Variants in NGEF observed in about 807,000 individuals in gnomAD.
NGEF encodes the protein neuronal guanine nucleotide exchange factor.
NGEF carries 31 observed loss-of-function variants against 80.9 expected under a neutral mutation model. The ratio of observed to expected loss-of-function variants is 0.38; its 90% confidence interval spans 0.29 to 0.52. NGEF has a LOEUF of 0.52. NGEF is among the 20% of genes least tolerant of loss of function. NGEF has a pLI of 0.84. For missense variants in NGEF, 709 were observed against 926.2 expected (o/e 0.77, Z 3.04); for synonymous variants, 371 against 370.2 (o/e 1.00, Z -0.03).
chr2:232,899,939 CACTT>C (rs1168641660), intron 5 of NGEF, among the ~76,000 whole-genome samples: 2 of 146,378 alleles, frequency 1.4e-5, no homozygotes, highest in Admixed American at 6.8e-5. Context: ...CACTCACATT[CACTT>C]ACACACATGC....
At chr2:232,970,551 G>A (rs566390065) in intron 2 of NGEF, among the ~76,000 whole-genome samples, 79 of 152,200 alleles carry the variant, frequency 5.2e-4, no homozygotes, top group African/African-American at 1.8e-3. Flanking sequence ...ATTATGGGCC[G>A]AGTGCGGTGG....
At chr2:232,888,309 C>A (rs1041524137) in intron 8 of NGEF, among the ~76,000 whole-genome samples, 1 of 152,046 alleles carries the variant, frequency 6.6e-6, no homozygotes, top group Non-Finnish European at 1.5e-5. Context: ...TGCATACATG[C>A]TCGCACACAC....
intron 5 of NGEF, among the ~76,000 whole-genome samples, chr2:232,899,270 GCTC>G (rs10580077): frequency 0.31 from 46,980 of 151,734 alleles, 7,371 homozygotes; most frequent in Admixed American, 0.36. Flanking sequence ...CACTACAGAA[GCTC>G]CTCCTCAGGG....
intron 3 of NGEF, among the ~76,000 whole-genome samples, chr2:232,929,573 A>G (rs1373727343): frequency 6.6e-6 from 1 of 152,194 alleles, no homozygotes; most frequent in Non-Finnish European, 1.5e-5. Flanking sequence ...CATGCCCTTA[A>G]GGCCTGAGAA....
At chr2:232,910,467 T>TG (rs1372628342) in intron 5 of NGEF, among the ~76,000 whole-genome samples, 13 of 48,264 alleles carry the variant, frequency 2.7e-4, no homozygotes, top group African/African-American at 1.1e-3. Context: ...GGGGGGGTAA[T>TG]GGGGGTGGGG....
At chr2:232,896,986 T>G (rs1574998337) in intron 5 of NGEF, among the ~76,000 whole-genome samples, 1 of 82,986 alleles carries the variant, frequency 1.2e-5, no homozygotes, top group African/African-American at 5.1e-5. Context: ...GGGTTAAGGG[T>G]GAGGTAGGGG....
intron 1 of NGEF, among the ~76,000 whole-genome samples, chr2:232,982,160 G>A (rs1694444238): frequency 6.6e-6 from 1 of 152,160 alleles, no homozygotes; most frequent in Admixed American, 6.5e-5. Flanking sequence ...CATGCCTGGA[G>A]CACAAGGGCA....
rs1691908660 is a variant in NGEF at position 232,892,301 on chromosome 2, C to T, written c.1142+597G>A. On this transcript the variant is annotated intron_variant, in intron 7 of 14. Coordinates refer to ENST00000264051, the MANE Select transcript of NGEF (RefSeq NM_019850.3). The surrounding 1 kb of genome is among the most constrained non-coding windows in gnomAD (Gnocchi z 4.0). ...TGCAGACGCCACAACTGGAAAACTC[C>T]CTGGGTGCTTCTGTGCGGAGCCAAG... 1.3e-5 allele frequency among the ~76,000 whole-genome samples: 2 copies of T among 152,180 alleles called. 1 individual carries two copies. Among genetic ancestry groups the T allele is most frequent in the South Asian group, 4.1e-4 (2 of 4,830 alleles).
At position 232,895,374 on chromosome 2, in the gene NGEF, A is replaced by C. The variant is rs373786044; in HGVS notation, c.829-458T>G. On this transcript the variant is annotated intron_variant, in intron 5 of 14. Transcript: ENST00000264051. Reference sequence around the variant, plus strand: ...AAACCCTGTCTCTACTAAAAATACAAAACTTAGCTGGGTGTGGTAGCACAT... The same window carrying C: ...AAACCCTGTCTCTACTAAAAATACACAACTTAGCTGGGTGTGGTAGCACAT... Among the ~76,000 whole-genome samples, 7 of 152,086 alleles carry C rather than the reference A, an allele frequency of 4.6e-5. No homozygotes were observed. In the East Asian group the frequency reaches 1.2e-3, roughly 25 times the overall value.
chr2:232,980,477 G>C (rs954392819), intron 1 of NGEF, among the ~76,000 whole-genome samples: 7 of 152,070 alleles, frequency 4.6e-5, no homozygotes, highest in African/African-American at 7.2e-5. Context: ...GGTCCTGGGT[G>C]GGGGCTGAGA....
Position 232,885,380 on chromosome 2 carries a change from A to G in NGEF, c.1348-11T>C. On this transcript the variant is annotated splice_polypyrimidine_tract_variant and intron_variant, in intron 9 of 14. Transcript: ENST00000264051. Reference sequence around the variant, plus strand: ...GCATGCCTTCACCACCTGGGACAAGAAGGAGGGCACATCAGGCCACCAAAG... The same window carrying G: ...GCATGCCTTCACCACCTGGGACAAGGAGGAGGGCACATCAGGCCACCAAAG... 1 of 1,612,890 alleles carries G rather than the reference A, an allele frequency of 6.2e-7. No homozygotes were observed. Among genetic ancestry groups the G allele is most frequent in the Non-Finnish European group, 8.5e-7 (1 of 1,179,020 alleles).
chr2:232,894,614 T>G, intron 6 of NGEF, 142 bp downstream of exon 6: 2 of 906,248 alleles, frequency 2.2e-6, no homozygotes, highest in Non-Finnish European at 3.1e-6. Flanking sequence ...TAGTTCTTCA[T>G]TTATTTATAT....
intron 3 of NGEF, among the ~76,000 whole-genome samples, chr2:232,944,728 T>C (rs1472981883): frequency 4.5e-4 from 10 of 22,376 alleles, no homozygotes; most frequent in Admixed American, 2.7e-3. Flanking sequence ...CTTTTCCGAA[T>C]ATATATATAT....
At chr2:232,996,345 A>AAGACAACAACAACAACC (rs1694846614) in intron 1 of NGEF, among the ~76,000 whole-genome samples, 1 of 152,116 alleles carries the variant, frequency 6.6e-6, no homozygotes, top group Non-Finnish European at 1.5e-5. Flanking sequence ...CAACAACAAC[A>AAGACAACAACAACAACC]ACACAAACAA....
chr2:232,965,922 A>T (rs2106317424), intron 3 of NGEF, among the ~76,000 whole-genome samples: 1 of 152,010 alleles, frequency 6.6e-6, no homozygotes, highest in African/African-American at 2.4e-5. Flanking sequence ...GAAGGGGCTC[A>T]TTTCTTCCTC....
intron 3 of NGEF, chr2:232,927,907 TC>T: frequency 7.6e-7 from 1 of 1,313,170 alleles, no homozygotes; most frequent in South Asian, 2.2e-5. Context: ...CGGGCAGGTG[TC>T]CCGCCGCCGA....
Position 232,927,076 on chromosome 2 carries a change from G to A in NGEF, c.494C>T (p.Ala165Val). 1 of 1,614,016 alleles carries A rather than the reference G, an allele frequency of 6.2e-7. No individual in the cohort carries two copies. Among genetic ancestry groups the A allele is most frequent in the Non-Finnish European group, 8.5e-7 (1 of 1,180,002 alleles). The change falls in exon 4 of 15, where the codon GCC (alanine) becomes GTC (valine). Residue 165 changes from alanine (A) to valine (V), a missense_variant. By Grantham distance (64) the Ala-to-Val change is moderately conservative. Around this residue, in one of 2 missense-constraint regions of NGEF, gnomAD observed 283 missense variants for 303.4 expected, o/e 0.93. Coordinates refer to ENST00000264051, the MANE Select transcript of NGEF (RefSeq NM_019850.3). Reference sequence around the variant, plus strand: ...TTCAATGAGGTTTCTCCAGGAGTCGGCGGGAATGGGGTGGATCATCCGCAG... The same window carrying A: ...TTCAATGAGGTTTCTCCAGGAGTCGACGGGAATGGGGTGGATCATCCGCAG... ...EALRMIHPIP[A>V]DSWRNLIEQI...
chr2:232,983,241 C>G lies in NGEF; in HGVS notation c.-74-8277G>C, dbSNP rs73107107. 4.5e-3 allele frequency among the ~76,000 whole-genome samples: 677 copies of G among 150,896 alleles called. 2 individuals carry two copies. Among genetic ancestry groups the G allele is most frequent in the African/African-American group, 0.016 (649 of 40,362 alleles). ...GGAGAAGGGAAACTTGGAGCAAGGC[C>G]GGGAAGCCTAGAAAGTTCTGTACCT... On this transcript the variant is annotated intron_variant, in intron 1 of 14. Transcript: ENST00000264051.
At chr2:232,969,766 G>A (rs748165326) in intron 3 of NGEF, among the ~76,000 whole-genome samples, 71 of 151,554 alleles carry the variant, frequency 4.7e-4, no homozygotes, top group East Asian at 7.8e-4. Context: ...TGCCTGCCTC[G>A]GCCTCCCAAA....
Sources: gnomAD v4.1 joint callset for allele counts (sites outside exome capture counted in the v4.1 genomes callset) on GRCh38, gnomAD v4.1.1 for gene constraint, gnomAD v4.1.1 regional missense constraint, Gnocchi (gnomAD v3.1) non-coding constraint, MANE v1.5 for transcripts, NCBI Gene and HGNC (gene_info 2026-07-23, HGNC 2026-07-21) for gene names.